The following NAALADL2 variants were observed in gnomAD, a reference collection of about 807,000 sequenced individuals.
NAALADL2 encodes the protein inactive N-acetylated-alpha-linked acidic dipeptidase-like protein 2.
A neutral mutation model predicts 87.2 loss-of-function variants in NAALADL2; 76 were observed. The observed-to-expected ratio is 0.87, with a 90% CI of 0.72 to 1.05. The LOEUF is 1.05. NAALADL2 is among the 50% of genes least tolerant of loss of function. The probability of loss-of-function intolerance (pLI) is 0.00; values close to 1 mark genes in which losing one functional copy is unlikely to be tolerated. For synonymous variants in NAALADL2, 354 were observed against 331.0 expected, an observed-to-expected ratio of 1.07 and a Z score of -0.75; for missense variants, 1,089 against 945.8, an observed-to-expected ratio of 1.15 and a Z score of -1.99.
chr3:175,571,719 A>C (rs1368332040), intron 9 of NAALADL2, among the ~76,000 whole-genome samples: 1 of 152,152 alleles, frequency 6.6e-6, no homozygotes, highest in Non-Finnish European at 1.5e-5. Context: ...TGAATAATGA[A>C]GATTTAGAGA....
intron 1 of NAALADL2, among the ~76,000 whole-genome samples, chr3:174,947,059 T>C (rs1739534119): frequency 6.6e-6 from 1 of 152,118 alleles, no homozygotes; most frequent in East Asian, 1.9e-4. Flanking sequence ...ATAAAATCCT[T>C]GATATATAAC....
intron 5 of NAALADL2, among the ~76,000 whole-genome samples, chr3:175,343,548 A>G (rs1337444224): frequency 6.6e-6 from 1 of 151,822 alleles, no homozygotes; most frequent in African/African-American, 2.4e-5. Context: ...TCCTTCTACA[A>G]TCTGCATTTC....
At position 174,890,280 on chromosome 3, in the gene NAALADL2, C is replaced by T. The variant is rs141364267; in HGVS notation, c.43+30830C>T. 4.0e-3 allele frequency among the ~76,000 whole-genome samples: 605 copies of T among 152,072 alleles called. 3 individuals are homozygous for T. The highest frequency in any genetic ancestry group is 0.011 in the African/African-American group (451 of 41,484). ...AAATTTGAAATGGAGAATCTCATAC[C>T]ATTCATTCATTGAGTGGTAGGAGTT... On this transcript the variant is annotated intron_variant, in intron 1 of 13. Transcript: ENST00000454872.
intron 1 of NAALADL2, among the ~76,000 whole-genome samples, chr3:175,046,171 T>C (rs1249633291): frequency 6.6e-6 from 1 of 152,120 alleles, no homozygotes; most frequent in Admixed American, 6.6e-5. Context: ...AAAGTTATCT[T>C]CTATTTTCTA....
In NAALADL2 at chr3:175,186,460, A is replaced by G. The variant is rs149427369; in HGVS notation, c.546-47471A>G. On this transcript the variant is annotated intron_variant, in intron 2 of 13. Transcript: ENST00000454872. ...CTAATTTAAAAATATAAAACATCTAATTTTAAAACAAATGCCCTCTTTTGT... is the reference window on the plus strand; with the variant it reads ...CTAATTTAAAAATATAAAACATCTAGTTTTAAAACAAATGCCCTCTTTTGT... Among the ~76,000 whole-genome samples the G allele has an allele frequency of 4.8e-3, 737 of 152,234 alleles. 2 individuals carry two copies. The highest frequency in any genetic ancestry group is 8.3e-3 in the Non-Finnish European group (564 of 67,966).
At chr3:174,778,437 C>A (rs969973371) in intron 3 of NAALADL2, among the ~76,000 whole-genome samples, 2 of 118,994 alleles carry the variant, frequency 1.7e-5, no homozygotes, top group African/African-American at 5.8e-5. Flanking sequence ...CAGAGATTTA[C>A]TAGGGCTACT....
intron 1 of NAALADL2, among the ~76,000 whole-genome samples, chr3:175,009,252 G>A (rs560851513): frequency 6.6e-6 from 1 of 152,138 alleles, no homozygotes; most frequent in African/African-American, 2.4e-5. Context: ...ATCCTAGAGG[G>A]TAGAGTAAGG....
At chr3:175,461,649 T>A (rs139861052) in intron 6 of NAALADL2, among the ~76,000 whole-genome samples, 2 of 152,336 alleles carry the variant, frequency 1.3e-5, no homozygotes, top group African/African-American at 4.8e-5. Context: ...GTATACATAT[T>A]GTGACGTTTT....
At chr3:175,682,793 T>C (rs1735766147) in intron 11 of NAALADL2, among the ~76,000 whole-genome samples, 2 of 152,072 alleles carry the variant, frequency 1.3e-5, no homozygotes, top group Admixed American at 6.6e-5. Context: ...TTCATATTTC[T>C]CTAATTTTCA....
intron 1 of NAALADL2, among the ~76,000 whole-genome samples, chr3:174,526,331 G>A (rs951065313): frequency 2.0e-5 from 3 of 152,108 alleles, no homozygotes; most frequent in African/African-American, 7.2e-5. Context: ...ACCAGCTTTC[G>A]AATTCTAGCT....
chr3:175,479,619 A>G (rs1004978005), intron 9 of NAALADL2, among the ~76,000 whole-genome samples: 4 of 151,788 alleles, frequency 2.6e-5, no homozygotes, highest in Non-Finnish European at 4.4e-5. Context: ...TTTTCAGTGC[A>G]AATACACTTT....
chr3:175,586,122 C>T lies in NAALADL2; in HGVS notation c.1800+9935C>T, dbSNP rs576859469. On this transcript the variant is annotated intron_variant, in intron 10 of 13. Coordinates refer to ENST00000454872, the MANE Select transcript of NAALADL2 (RefSeq NM_207015.3). ...GACTATGGCCATGAATGAATTTCCA[C>T]GCCCTGTTCTTGAATCTCCACAACT... Among the ~76,000 whole-genome samples, 8 of 152,078 alleles carry T rather than the reference C, an allele frequency of 5.3e-5. No homozygotes were observed. In the South Asian group the frequency reaches 1.4e-3, roughly 28 times the overall value.
intron 6 of NAALADL2, among the ~76,000 whole-genome samples, chr3:175,454,790 G>A (rs4141942): frequency 0.99 from 150,760 of 152,204 alleles, 74,666 homozygotes; most frequent in East Asian, 1. Context: ...TTTTTAGTAA[G>A]CAAAATCTTC....
intron 5 of NAALADL2, among the ~76,000 whole-genome samples, chr3:175,377,472 C>A (rs1357142995): frequency 6.6e-6 from 1 of 151,960 alleles, no homozygotes; most frequent in African/African-American, 2.4e-5. Context: ...TGCTTAGATA[C>A]TGAACTTTGT....
intron 12 of NAALADL2, among the ~76,000 whole-genome samples, chr3:175,743,673 G>A (rs752346307): frequency 6.6e-6 from 1 of 152,204 alleles, no homozygotes; most frequent in Non-Finnish European, 1.5e-5. Context: ...TGAAAAGGAG[G>A]TAGGACCAAT....
At chr3:175,718,964 T>A (rs140165768) in intron 11 of NAALADL2, among the ~76,000 whole-genome samples, 1 of 152,270 alleles carries the variant, frequency 6.6e-6, no homozygotes, top group East Asian at 1.9e-4. Flanking sequence ...AAGGCTAGCA[T>A]TGAATTTTTT....
intron 11 of NAALADL2, among the ~76,000 whole-genome samples, chr3:175,667,801 T>G (rs1733410002): frequency 6.6e-6 from 1 of 151,856 alleles, no homozygotes; most frequent in African/African-American, 2.4e-5. Context: ...GGATGTCTTT[T>G]TCCTTCTACC....
At chr3:175,222,770 TAA>T (rs1743572283) in intron 2 of NAALADL2, among the ~76,000 whole-genome samples, 1 of 152,130 alleles carries the variant, frequency 6.6e-6, no homozygotes, top group Non-Finnish European at 1.5e-5. Flanking sequence ...ATTAATTTAT[TAA>T]AAAATAAAAA....
chr3:175,166,766 A>G (rs1287086736), intron 2 of NAALADL2, among the ~76,000 whole-genome samples: 67 of 152,064 alleles, frequency 4.4e-4, no homozygotes, highest in Non-Finnish European at 1.5e-4. Flanking sequence ...TTCTATTATC[A>G]TAAATATAAC....
Sources: allele counts gnomAD v4.1 joint callset (sites outside exome capture counted in the v4.1 genomes callset), GRCh38; gene constraint gnomAD v4.1.1; transcripts MANE v1.5; gene names NCBI Gene and HGNC (gene_info 2026-07-23, HGNC 2026-07-21).